Variants in MAN1A1 observed in about 807,000 individuals in gnomAD.
MAN1A1 encodes the protein mannosyl-oligosaccharide 1,2-alpha-mannosidase IA.
Under a neutral mutation model 70.8 loss-of-function variants are expected in MAN1A1, and 29 were observed. The observed-to-expected ratio is 0.41, with a 90% confidence interval of 0.31 to 0.56. The LOEUF (loss-of-function observed/expected upper bound fraction) is 0.56, where lower values mean the gene tolerates loss of function less well. Ranked by LOEUF, MAN1A1 falls within the 20% of genes least tolerant of loss-of-function variation. MAN1A1 has a pLI of 0.29. For missense variants in MAN1A1, 747 were observed against 841.3 expected, an observed-to-expected ratio of 0.89 and a Z score of 1.39; for synonymous variants, 349 against 330.1, an observed-to-expected ratio of 1.06 and a Z score of -0.62.
chr6:119,242,562 T>C (rs1248729280), intron 6 of MAN1A1, among the ~76,000 whole-genome samples: 4 of 152,150 alleles, frequency 2.6e-5, no homozygotes, highest in African/African-American at 9.7e-5. Context: ...TCTAGATATA[T>C]ACTATTTTAT....
Position 119,189,782 on chromosome 6 carries a change from G to C in MAN1A1, c.1428C>G (p.Cys476Trp). The change falls in exon 10 of 13, where the codon TGC (cysteine) becomes TGG (tryptophan). Residue 476 changes from cysteine (C) to tryptophan (W), a missense_variant. Physicochemically the swap from Cys to Trp is radical, Grantham distance 215. Transcript: ENST00000368468. ...LLEHKMGHLTCFAGGMFALGA... is the reference protein window; with the variant it reads ...LLEHKMGHLTWFAGGMFALGA... ...CGAGTGCGAACATGCCCCCCGCGAA[G>C]CAGGTCAGGTGGCCCATCTTGTGCT... The C allele has an allele frequency of 6.2e-7, 1 of 1,614,144 alleles. No individual in the cohort carries two copies. Among genetic ancestry groups the C allele is most frequent in the Non-Finnish European group, 8.5e-7 (1 of 1,180,014 alleles).
chr6:119,193,005 G>A (rs1413724687), intron 9 of MAN1A1, among the ~76,000 whole-genome samples: 6 of 152,126 alleles, frequency 3.9e-5, no homozygotes, highest in African/African-American at 9.7e-5. Flanking sequence ...GAAGATTTAA[G>A]TGTAGAATGG....
intron 5 of MAN1A1, among the ~76,000 whole-genome samples, chr6:119,274,385 G>A (rs1022046019): frequency 3.3e-5 from 5 of 152,070 alleles, no homozygotes; most frequent in African/African-American, 1.2e-4. Context: ...GTAGATTTAC[G>A]AGCTATTTCT....
intron 8 of MAN1A1, among the ~76,000 whole-genome samples, chr6:119,196,616 T>C (rs565394416): frequency 6.6e-6 from 1 of 152,346 alleles, no homozygotes; most frequent in East Asian, 1.9e-4. Context: ...TAATTTATTC[T>C]TTTCTTCATA....
chr6:119,311,451 G>A (rs536210323), intron 2 of MAN1A1, among the ~76,000 whole-genome samples: 201 of 152,270 alleles, frequency 1.3e-3, no homozygotes, highest in Non-Finnish European at 2.4e-3. Context: ...AGGCAATGTG[G>A]GGTAATCTTT....
At chr6:119,247,727 T>C (rs766755948) in intron 6 of MAN1A1, among the ~76,000 whole-genome samples, 5 of 152,110 alleles carry the variant, frequency 3.3e-5, no homozygotes, top group Non-Finnish European at 5.9e-5. Flanking sequence ...GAAGGTTGGA[T>C]TGATCTGGGT....
intron 2 of MAN1A1, among the ~76,000 whole-genome samples, chr6:119,341,178 C>CCTAATGATAA (rs1562249244): frequency 6.6e-6 from 1 of 152,066 alleles, no homozygotes; most frequent in Non-Finnish European, 1.5e-5. Flanking sequence ...CTAATGATCA[C>CCTAATGATAA]AGAAGTCTTT....
chr6:119,288,261 G>C (rs1776432162), intron 5 of MAN1A1, among the ~76,000 whole-genome samples: 1 of 151,858 alleles, frequency 6.6e-6, no homozygotes, highest in African/African-American at 2.4e-5. Flanking sequence ...AAATACTCCT[G>C]AGCCTCAGTG....
rs1775065046 is a variant in MAN1A1 at position 119,243,392 on chromosome 6, A to G, written c.992+4868T>C. On this transcript the variant is annotated intron_variant, in intron 6 of 12. Transcript: ENST00000368468. ...AAACTGTTAGCAAATTTAATAATGCAGAAATTTATGCTTTAACTGTCAAGT... is the reference window on the plus strand; with the variant it reads ...AAACTGTTAGCAAATTTAATAATGCGGAAATTTATGCTTTAACTGTCAAGT... Among the ~76,000 whole-genome samples, 7 of 152,246 alleles carry G rather than the reference A, an allele frequency of 4.6e-5. 1 individual carries two copies. The South Asian group carries it at 1.5e-3, about 32-fold the overall frequency.
chr6:119,185,510 A>T (rs933563693), intron 11 of MAN1A1, among the ~76,000 whole-genome samples: 15 of 152,214 alleles, frequency 9.9e-5, no homozygotes, highest in African/African-American at 3.6e-4. Context: ...GCACAGTGCA[A>T]AGGAGATGTG....
At chr6:119,286,427 G>T (rs1776376609) in intron 5 of MAN1A1, among the ~76,000 whole-genome samples, 1 of 151,940 alleles carries the variant, frequency 6.6e-6, no homozygotes, top group African/African-American at 2.4e-5. Context: ...ACTCCCCTCT[G>T]TGTTTCCTCC....
chr6:119,327,002 T>C (rs1773163782), intron 2 of MAN1A1, among the ~76,000 whole-genome samples: 1 of 152,204 alleles, frequency 6.6e-6, no homozygotes, highest in African/African-American at 2.4e-5. Flanking sequence ...ATGACCACCC[T>C]ACCCCAAATA....
intron 2 of MAN1A1, among the ~76,000 whole-genome samples, chr6:119,310,341 C>T (rs1277910083): frequency 6.6e-6 from 1 of 152,156 alleles, no homozygotes; most frequent in Non-Finnish European, 1.5e-5. Flanking sequence ...TTTTTCCAGA[C>T]AGATCTCAGG....
intron 6 of MAN1A1, among the ~76,000 whole-genome samples, chr6:119,220,496 A>G (rs1774330490): frequency 6.6e-6 from 1 of 152,224 alleles, no homozygotes; most frequent in African/African-American, 2.4e-5. Context: ...CTAGCCCTTC[A>G]TACTTATTGG....
At chr6:119,238,497 G>T (rs765062549) in intron 6 of MAN1A1, among the ~76,000 whole-genome samples, 29 of 152,072 alleles carry the variant, frequency 1.9e-4, no homozygotes, top group Non-Finnish European at 2.8e-4. Flanking sequence ...TACTTTGGGG[G>T]GTTAGAATAG....
At chr6:119,295,522 TCCTTATTA>T (rs1384777198) in intron 4 of MAN1A1, among the ~76,000 whole-genome samples, 1 of 152,142 alleles carries the variant, frequency 6.6e-6, no homozygotes, top group Non-Finnish European at 1.5e-5. Context: ...ATTAGAATTC[TCCTTATTA>T]TCTTATGATT....
chr6:119,337,497 T>C (rs1407081710), intron 2 of MAN1A1, among the ~76,000 whole-genome samples: 1 of 152,172 alleles, frequency 6.6e-6, no homozygotes, highest in Non-Finnish European at 1.5e-5. Context: ...GTTGGACACA[T>C]GGATGAATAG....
At chr6:119,341,172 T>C (rs562199016) in intron 2 of MAN1A1, among the ~76,000 whole-genome samples, 1 of 152,166 alleles carries the variant, frequency 6.6e-6, no homozygotes, top group Non-Finnish European at 1.5e-5. Context: ...AAGTACCTAA[T>C]GATCACAGAA....
chr6:119,240,741 G>A (rs1484197145), intron 6 of MAN1A1, among the ~76,000 whole-genome samples: 1 of 152,140 alleles, frequency 6.6e-6, no homozygotes, highest in Non-Finnish European at 1.5e-5. Flanking sequence ...CTCCATAAAG[G>A]TGGCTATACA....
Sources: gnomAD v4.1 joint callset for allele counts (sites outside exome capture counted in the v4.1 genomes callset) on GRCh38, gnomAD v4.1.1 for gene constraint, MANE v1.5 for transcripts, NCBI Gene and HGNC (gene_info 2026-07-23, HGNC 2026-07-21) for gene names.